The following PIK3AP1 variants were observed in gnomAD, a reference collection of about 807,000 sequenced individuals.
PIK3AP1 encodes the protein phosphoinositide 3-kinase adapter protein 1.
Under a neutral mutation model 88.1 loss-of-function variants are expected in PIK3AP1, and 21 were observed. The observed-to-expected ratio is 0.24, with a 90% CI of 0.17 to 0.34. The LOEUF is 0.34. PIK3AP1 is among the 10% of genes least tolerant of loss of function. The probability of loss-of-function intolerance (pLI) is 1.00; values close to 1 mark genes in which losing one functional copy is unlikely to be tolerated. For synonymous variants in PIK3AP1, 398 were observed against 400.0 expected, an observed-to-expected ratio of 1.00 and a Z score of 0.06; for missense variants, 828 against 1,035.7, an observed-to-expected ratio of 0.80 and a Z score of 2.75.
intron 8 of PIK3AP1, among the ~76,000 whole-genome samples, chr10:96,641,124 T>TGTGC (rs1463517789): frequency 1.5e-4 from 16 of 109,712 alleles, no homozygotes; most frequent in African/African-American, 4.0e-4. Flanking sequence ...TGTGTGTGTG[T>TGTGC]GCGTGTGCAT....
At chr10:96,642,283 G>A (rs1322379175) in intron 8 of PIK3AP1, among the ~76,000 whole-genome samples, 1 of 151,986 alleles carries the variant, frequency 6.6e-6, no homozygotes, top group Non-Finnish European at 1.5e-5. Flanking sequence ...AAAATTAACT[G>A]GGCATGGTGG....
chr10:96,650,524 CAG>C (rs1421592242), intron 6 of PIK3AP1, among the ~76,000 whole-genome samples: 2 of 152,240 alleles, frequency 1.3e-5, no homozygotes, highest in Non-Finnish European at 2.9e-5. Context: ...CACCCAGGAG[CAG>C]TTCCAGCCCT....
At chr10:96,704,834 T>G (rs1844341899) in intron 2 of PIK3AP1, among the ~76,000 whole-genome samples, 1 of 152,116 alleles carries the variant, frequency 6.6e-6, no homozygotes, top group Non-Finnish European at 1.5e-5. Context: ...CACATTAAAA[T>G]TTGAGAAGCA....
rs11188883 is a variant in PIK3AP1 at position 96,676,654 on chromosome 10, G to T, written c.431-19720C>A. ...AAAACACACACGGGGATTTTCTGGG[G>T]TTTTTTTTTTTTTTTTTTGAAAGAA... On this transcript the variant is annotated intron_variant, in intron 2 of 16. Transcript: ENST00000339364. Among the ~76,000 whole-genome samples, 144 of 133,038 alleles carry T rather than the reference G, an allele frequency of 1.1e-3. No individual in the cohort carries two copies. In the East Asian group the frequency reaches 0.025, roughly 23 times the overall value. 87.3% of individuals were successfully genotyped at this position (133,038 alleles called of 152,430 possible). A position where few individuals can be genotyped will look rare whatever the true frequency, so the allele number is the denominator to read the frequency against.
intron 8 of PIK3AP1, among the ~76,000 whole-genome samples, chr10:96,644,755 T>C (rs570062598): frequency 3.9e-5 from 6 of 152,256 alleles, no homozygotes; most frequent in African/African-American, 1.4e-4. Flanking sequence ...CTTATTATTT[T>C]CTGAGCCTAG....
At chr10:96,612,298 T>G (rs1849126286) in intron 13 of PIK3AP1, among the ~76,000 whole-genome samples, 1 of 152,134 alleles carries the variant, frequency 6.6e-6, no homozygotes, top group Non-Finnish European at 1.5e-5. Context: ...CCATCAACGC[T>G]CTGTACCAGC....
intron 2 of PIK3AP1, among the ~76,000 whole-genome samples, chr10:96,668,388 GCTT>G: frequency 6.6e-6 from 1 of 152,240 alleles, no homozygotes; most frequent in South Asian, 2.1e-4. Context: ...ATGCTATTTT[GCTT>G]CCATTTTGTT....
At chr10:96,709,187 T>TA (rs1437245952) in intron 2 of PIK3AP1, among the ~76,000 whole-genome samples, 2 of 139,160 alleles carry the variant, frequency 1.4e-5, no homozygotes, top group Non-Finnish European at 3.1e-5. Flanking sequence ...CGCGTGATGA[T>TA]AAAATGGAAG....
intron 13 of PIK3AP1, among the ~76,000 whole-genome samples, chr10:96,612,190 C>T (rs1849122892): frequency 3.3e-5 from 5 of 152,118 alleles, no homozygotes. Flanking sequence ...CGGTTAGCTC[C>T]TCTACGTCCT....
At chr10:96,646,281 C>G (rs150041081) in intron 7 of PIK3AP1, among the ~76,000 whole-genome samples, 182 of 152,094 alleles carry the variant, frequency 1.2e-3, no homozygotes, top group Non-Finnish European at 2.1e-3. Context: ...AATACTTTCC[C>G]GTGAGCACCT....
chr10:96,684,828 A>G (rs577255442), intron 2 of PIK3AP1, among the ~76,000 whole-genome samples: 10 of 152,360 alleles, frequency 6.6e-5, no homozygotes, highest in African/African-American at 2.4e-4. Flanking sequence ...AAAATTAAAG[A>G]TCAGAGCAGT....
intron 2 of PIK3AP1, among the ~76,000 whole-genome samples, chr10:96,703,334 C>T (rs1293356877): frequency 6.6e-6 from 1 of 152,092 alleles, no homozygotes; most frequent in African/African-American, 2.4e-5. Flanking sequence ...ATGAGAGCTT[C>T]TGAAACACAA....
rs1848956049 is a variant in PIK3AP1 at position 96,604,015 on chromosome 10, GA to G, written c.2204del (p.Leu735ProfsTer4). Reference protein sequence around the residue: ...STSNRSSTRSLLSVSSGMEGD... With the variant: ...STSNRSSTRSXLSVSSGMEGD... ...CTTCCATCCCGCTGCTCACACTGAG[GA>G]GGCTCCGGGTGCTGGAGCGGTTACT... On this transcript the variant is annotated frameshift_variant, in exon 15 of 17. Transcript: ENST00000339364. LOFTEE classifies it high-confidence loss of function. 10 of 1,608,220 alleles carry G rather than the reference GA, an allele frequency of 6.2e-6. No individual in the cohort carries two copies. Among genetic ancestry groups the G allele is most frequent in the Non-Finnish European group, 8.5e-6 (10 of 1,177,248 alleles).
At chr10:96,605,127 G>A (rs548912137) in intron 14 of PIK3AP1, among the ~76,000 whole-genome samples, 2 of 152,268 alleles carry the variant, frequency 1.3e-5, no homozygotes, top group Non-Finnish European at 2.9e-5. Flanking sequence ...CAAAGAGCTG[G>A]GATTACAGGT....
At chr10:96,634,487 G>A (rs1843287508) in intron 8 of PIK3AP1, among the ~76,000 whole-genome samples, 1 of 152,146 alleles carries the variant, frequency 6.6e-6, no homozygotes, top group Admixed American at 6.5e-5. Flanking sequence ...TGGAGACCTG[G>A]GTCCGAGCCC....
intron 8 of PIK3AP1, among the ~76,000 whole-genome samples, chr10:96,638,520 GGC>G (rs1392268641): frequency 6.6e-6 from 1 of 151,208 alleles, no homozygotes; most frequent in Non-Finnish European, 1.5e-5. Flanking sequence ...AAAATTAGAG[GGC>G]TAATGAGTGA....
intron 8 of PIK3AP1, among the ~76,000 whole-genome samples, chr10:96,631,788 CAGG>C (rs1474353075): frequency 6.6e-6 from 1 of 152,090 alleles, no homozygotes; most frequent in African/African-American, 2.4e-5. Flanking sequence ...GAGGCTGAGG[CAGG>C]AGAACAGCTT....
chr10:96,677,563 TC>T (rs1273620023), intron 2 of PIK3AP1, among the ~76,000 whole-genome samples: 2 of 134,860 alleles, frequency 1.5e-5, no homozygotes, highest in African/African-American at 5.9e-5. Flanking sequence ...GCTAACTACC[TC>T]CTCACTAAGC....
intron 2 of PIK3AP1, among the ~76,000 whole-genome samples, chr10:96,691,454 C>T (rs1844153984): frequency 6.7e-6 from 1 of 150,050 alleles, no homozygotes; most frequent in Non-Finnish European, 1.5e-5. Flanking sequence ...TTTCCCTTTG[C>T]CATGCTATGA....
Sources: gnomAD v4.1 joint callset for allele counts (sites outside exome capture counted in the v4.1 genomes callset) on GRCh38, gnomAD v4.1.1 for gene constraint, MANE v1.5 for transcripts, NCBI Gene and HGNC (gene_info 2026-07-23, HGNC 2026-07-21) for gene names.